ACYP2: variants seen among roughly 807,000 people sequenced by gnomAD.
ACYP2 encodes the protein acylphosphatase-2.
In ACYP2, 12 loss-of-function variants were observed where a neutral mutation model predicts 11.2. The ratio of observed to expected loss-of-function variants is 1.08; its 90% CI spans 0.69 to 1.74. ACYP2 has a LOEUF of 1.74. Ranked by LOEUF, ACYP2 falls within the 40% of genes most tolerant of loss-of-function variation. ACYP2 has a pLI of 0.00. For missense variants in ACYP2, 134 were observed against 101.9 expected (o/e 1.31, Z -1.35); for synonymous variants, 43 against 32.2 (o/e 1.33, Z -1.13).
chr2:54,137,639 T>A (rs1192696214), intron 5 of ACYP2, among the ~76,000 whole-genome samples: 1 of 152,212 alleles, frequency 6.6e-6, no homozygotes, highest in East Asian at 1.9e-4. Flanking sequence ...TGCATGGTAT[T>A]CCATGGTGTA....
intron 6 of ACYP2, among the ~76,000 whole-genome samples, chr2:54,146,509 A>C (rs1681898499): frequency 6.6e-6 from 1 of 151,630 alleles, no homozygotes; most frequent in East Asian, 1.9e-4. Flanking sequence ...CCCTGGCCTC[A>C]AGTGATCCGC....
chr2:54,113,055 C>T (rs1214822543), intron 4 of ACYP2, among the ~76,000 whole-genome samples: 1 of 152,122 alleles, frequency 6.6e-6, no homozygotes, highest in African/African-American at 2.4e-5. Flanking sequence ...CAGGAATCCC[C>T]TTGGATATAA....
intron 6 of ACYP2, among the ~76,000 whole-genome samples, chr2:54,216,877 C>G (rs1015149209): frequency 2.0e-5 from 3 of 152,166 alleles, no homozygotes; most frequent in Non-Finnish European, 4.4e-5. Context: ...ACTGCACATT[C>G]TTGTTAAGTT....
At chr2:54,068,800 T>C (rs989113334) in intron 4 of ACYP2, among the ~76,000 whole-genome samples, 7 of 152,160 alleles carry the variant, frequency 4.6e-5, no homozygotes, top group Admixed American at 6.5e-5. Context: ...TGCATTCTTC[T>C]CAAACAGCCT....
chr2:54,200,520 G>GC (rs1684710305), intron 6 of ACYP2, among the ~76,000 whole-genome samples: 1 of 152,104 alleles, frequency 6.6e-6, no homozygotes, highest in Admixed American at 6.5e-5. Flanking sequence ...TGCAATATAT[G>GC]CCCTTTGGTG....
In ACYP2 at chr2:54,063,850, G is replaced by C. The variant is rs551572737; in HGVS notation, c.277+6490G>C. Reference sequence around the variant, plus strand: ...CTGGACCAGAGAGGGTGGGGCTGGTGGTGGTGAAAGGGGCATTCTAGGCAG... The same window carrying C: ...CTGGACCAGAGAGGGTGGGGCTGGTCGTGGTGAAAGGGGCATTCTAGGCAG... On this transcript the variant is annotated intron_variant, in intron 4 of 6. Coordinates refer to ENST00000607452, the MANE Select transcript of ACYP2 (RefSeq NM_001320586.2). 1.7e-3 allele frequency among the ~76,000 whole-genome samples: 259 copies of C among 152,232 alleles called. 2 individuals carry two copies. The highest frequency in any genetic ancestry group is 5.9e-3 in the African/African-American group (244 of 41,526).
At chr2:54,133,374 T>G (rs2103771072) in intron 4 of ACYP2, among the ~76,000 whole-genome samples, 1 of 152,340 alleles carries the variant, frequency 6.6e-6, no homozygotes, top group African/African-American at 2.4e-5. Flanking sequence ...TGTTTATCTA[T>G]TCCCAATGTT....
chr2:54,139,723 G>T (rs373381297), intron 6 of ACYP2, among the ~76,000 whole-genome samples: 96 of 152,190 alleles, frequency 6.3e-4, no homozygotes, highest in African/African-American at 2.1e-3. Flanking sequence ...AAAGCAATAG[G>T]TTTTGCTTAT....
At chr2:54,023,148 C>G (rs1056605900) in intron 2 of ACYP2, among the ~76,000 whole-genome samples, 1 of 152,100 alleles carries the variant, frequency 6.6e-6, no homozygotes, top group Admixed American at 6.6e-5. Flanking sequence ...CATAACCTTT[C>G]AAAGAATTGT....
chr2:54,099,978 A>G (rs1678806702), intron 4 of ACYP2, among the ~76,000 whole-genome samples: 1 of 152,152 alleles, frequency 6.6e-6, no homozygotes, highest in Admixed American at 6.5e-5. Flanking sequence ...CATCACAGCC[A>G]TTCTAACAGG....
intron 2 of ACYP2, among the ~76,000 whole-genome samples, chr2:53,976,715 A>T (rs1671511416): frequency 6.6e-6 from 1 of 152,218 alleles, no homozygotes; most frequent in South Asian, 2.1e-4. Context: ...TTTTTCCTTC[A>T]AAAATCATTT....
At chr2:54,237,358 C>CAT (rs3069029) in intron 6 of ACYP2, among the ~76,000 whole-genome samples, 151,078 of 152,350 alleles carry the variant, frequency 0.99, 74,908 homozygotes, top group East Asian at 1. Context: ...GGTTTATCCA[C>CAT]GTTTGCCCTT....
At chr2:54,067,920 T>C (rs569154604) in intron 4 of ACYP2, among the ~76,000 whole-genome samples, 20 of 152,346 alleles carry the variant, frequency 1.3e-4, no homozygotes, top group African/African-American at 4.8e-4. Flanking sequence ...ATCTTACGCA[T>C]AAAATATTTT....
chr2:53,979,394 C>G (rs1385020379), intron 2 of ACYP2, among the ~76,000 whole-genome samples: 2 of 151,774 alleles, frequency 1.3e-5, no homozygotes, highest in East Asian at 3.9e-4. Context: ...TTTGGGAGGC[C>G]GAGGAGGGCA....
chr2:54,242,491 G>A (rs1289323698), intron 6 of ACYP2, among the ~76,000 whole-genome samples: 1 of 152,162 alleles, frequency 6.6e-6, no homozygotes, highest in African/African-American at 2.4e-5. Context: ...ACAGTCATAT[G>A]CCACATAATG....
intron 4 of ACYP2, 79 bp downstream of exon 1, chr2:54,115,835 T>C: frequency 7.1e-7 from 1 of 1,416,808 alleles, no homozygotes; most frequent in Non-Finnish European, 9.3e-7. Flanking sequence ...GCCTCCCACC[T>C]AAAGTATGCC....
intron 6 of ACYP2, among the ~76,000 whole-genome samples, chr2:54,164,377 C>T (rs2103835832): frequency 6.6e-6 from 1 of 152,212 alleles, no homozygotes; most frequent in South Asian, 2.1e-4. Flanking sequence ...TTGAAGAATG[C>T]TTTCAGCTGG....
chr2:54,188,758 C>T lies in ACYP2; in HGVS notation c.404+50010C>T, dbSNP rs202245872. On this transcript the variant is annotated intron_variant, in intron 6 of 6. Coordinates refer to ENST00000607452, the MANE Select transcript of ACYP2 (RefSeq NM_001320586.2). ...GAAATGTGGATTCTCAGGCCCCACC[C>T]CAGACCTCCCAAATCAGTGTCTTCA... 9.2e-5 allele frequency among the ~76,000 whole-genome samples: 14 copies of T among 152,292 alleles called. No individual in the cohort carries two copies. In the East Asian group the frequency reaches 2.7e-3, roughly 29 times the overall value.
intron 2 of ACYP2, among the ~76,000 whole-genome samples, chr2:54,012,706 G>A (rs902543744): frequency 2.0e-5 from 3 of 152,024 alleles, no homozygotes; most frequent in Non-Finnish European, 4.4e-5. Context: ...TCTGTCTGGC[G>A]CGGGTTGTTT....
Sources: gnomAD v4.1 joint callset for allele counts (sites outside exome capture counted in the v4.1 genomes callset) on GRCh38, gnomAD v4.1.1 for gene constraint, MANE v1.5 for transcripts, NCBI Gene and HGNC (gene_info 2026-07-23, HGNC 2026-07-21) for gene names.